Variants in SH3GL2 observed in about 807,000 individuals in gnomAD.
SH3GL2 encodes SH3 domain containing GRB2 like 2, endophilin A1.
Under a neutral mutation model 46.0 loss-of-function variants are expected in SH3GL2, and 24 were observed. The ratio of observed to expected loss-of-function variants is 0.52; its 90% CI spans 0.38 to 0.73. SH3GL2 has a LOEUF of 0.73. Among genes scored for constraint, SH3GL2 ranks in the 30% least tolerant of loss-of-function variants. The pLI is 0.00. For missense variants in SH3GL2, 413 were observed against 424.2 expected, an observed-to-expected ratio of 0.97 and a Z score of 0.23; for synonymous variants, 196 against 147.1, an observed-to-expected ratio of 1.33 and a Z score of -2.40.
chr9:17,692,267 G>T (rs1388555133), intron 1 of SH3GL2, among the ~76,000 whole-genome samples: 2 of 134,714 alleles, frequency 1.5e-5, no homozygotes, highest in South Asian at 2.5e-4. Context: ...GTATACAATG[G>T]TATTCTTATT....
chr9:17,716,668 T>C (rs953315194), intron 1 of SH3GL2, among the ~76,000 whole-genome samples: 1 of 152,158 alleles, frequency 6.6e-6, no homozygotes, highest in Non-Finnish European at 1.5e-5. Flanking sequence ...ATTTTATAGA[T>C]ATCTTGGGTT....
chr9:17,644,837 G>A (rs1433870674), intron 1 of SH3GL2, among the ~76,000 whole-genome samples: 1 of 152,048 alleles, frequency 6.6e-6, no homozygotes, highest in African/African-American at 2.4e-5. Context: ...TGTCTATTAG[G>A]TCTGCTTGGT....
intron 1 of SH3GL2, among the ~76,000 whole-genome samples, chr9:17,664,092 A>G (rs1245586438): frequency 6.6e-6 from 1 of 152,178 alleles, no homozygotes; most frequent in Non-Finnish European, 1.5e-5. Context: ...TTTTAGCTTC[A>G]CTGTATCCAC....
chr9:17,608,828 C>G (rs1207911680), intron 1 of SH3GL2, among the ~76,000 whole-genome samples: 1 of 152,200 alleles, frequency 6.6e-6, no homozygotes, highest in Admixed American at 6.5e-5. Flanking sequence ...CAAGTGGAAA[C>G]AATTTAATCA....
rs150039756 is a variant in SH3GL2 at position 17,786,442 on chromosome 9, G to T, written c.249G>T (p.Gly83=). ...CAAAAATCCGTGGCCAGGAGAAGGG[G>T]CCAGGCTATCCTCAGGCAGAGGCGC... The part of the protein sequence containing the change: ...TMSKIRGQEK[G]PGYPQAEALL... The change falls in exon 4 of 9, where the codon GGG becomes GGT. Residue 83 remains glycine, a synonymous_variant. Transcript: ENST00000380607. 4.5e-4 allele frequency: 724 copies of T among 1,613,448 alleles called. 5 individuals are homozygous for T. In the African/African-American group the frequency reaches 8.4e-3, roughly 19 times the overall value.
intron 1 of SH3GL2, among the ~76,000 whole-genome samples, chr9:17,585,998 A>G (rs1015840855): frequency 2.6e-5 from 4 of 152,238 alleles, no homozygotes; most frequent in Admixed American, 6.5e-5. Context: ...TCCGATGGAT[A>G]ATAAAGACTA....
intron 1 of SH3GL2, among the ~76,000 whole-genome samples, chr9:17,675,509 C>T (rs1057219347): frequency 6.6e-6 from 1 of 152,172 alleles, no homozygotes; most frequent in Non-Finnish European, 1.5e-5. Context: ...TTACAAAACT[C>T]TTTAAGTTGT....
intron 1 of SH3GL2, among the ~76,000 whole-genome samples, chr9:17,668,364 T>C (rs1051968925): frequency 1.3e-5 from 2 of 152,224 alleles, no homozygotes; most frequent in Non-Finnish European, 2.9e-5. Context: ...CACTAGTTTT[T>C]GAAACGACTG....
intron 1 of SH3GL2, among the ~76,000 whole-genome samples, chr9:17,633,055 C>T (rs1202081718): frequency 1.3e-5 from 2 of 152,214 alleles, no homozygotes; most frequent in Non-Finnish European, 1.5e-5. Context: ...GACTTTTCCT[C>T]TCCTGGGTCA....
intron 1 of SH3GL2, among the ~76,000 whole-genome samples, chr9:17,593,629 C>T (rs1818523081): frequency 6.6e-6 from 1 of 152,016 alleles, no homozygotes; most frequent in Admixed American, 6.6e-5. Context: ...AATGGTTGAC[C>T]TTTTTCTGAG....
chr9:17,681,455 A>T (rs1439348637), intron 1 of SH3GL2, among the ~76,000 whole-genome samples: 1 of 152,106 alleles, frequency 6.6e-6, no homozygotes, highest in Non-Finnish European at 1.5e-5. Flanking sequence ...GTCATATGTC[A>T]CCAGTGAGTC....
intron 1 of SH3GL2, among the ~76,000 whole-genome samples, chr9:17,659,985 G>T (rs1285847149): frequency 6.6e-6 from 1 of 152,198 alleles, no homozygotes; most frequent in Non-Finnish European, 1.5e-5. Context: ...AAGAGTAGTT[G>T]TAAGTATAGT....
intron 2 of SH3GL2, among the ~76,000 whole-genome samples, chr9:17,756,407 T>C (rs942906021): frequency 1.3e-5 from 2 of 152,008 alleles, no homozygotes; most frequent in Non-Finnish European, 2.9e-5. Flanking sequence ...ACATGTGCCA[T>C]GTTGGTGTGC....
chr9:17,737,254 T>A (rs1170596025), intron 1 of SH3GL2, among the ~76,000 whole-genome samples: 1 of 152,072 alleles, frequency 6.6e-6, no homozygotes, highest in South Asian at 2.1e-4. Context: ...CTAATGTAGA[T>A]GACAGGTTGA....
At chr9:17,700,012 G>T (rs920763240) in intron 1 of SH3GL2, among the ~76,000 whole-genome samples, 1 of 150,070 alleles carries the variant, frequency 6.7e-6, no homozygotes, top group African/African-American at 2.5e-5. Flanking sequence ...GAGTGCATTG[G>T]AGTGCACTTC....
intron 1 of SH3GL2, among the ~76,000 whole-genome samples, chr9:17,671,278 G>T (rs552173551): frequency 6.6e-6 from 1 of 150,702 alleles, no homozygotes; most frequent in African/African-American, 2.4e-5. Flanking sequence ...GCAGTGAAAT[G>T]GTTTCTGTTT....
intron 1 of SH3GL2, among the ~76,000 whole-genome samples, chr9:17,733,013 C>T (rs958914270): frequency 2.0e-5 from 3 of 152,084 alleles, no homozygotes; most frequent in African/African-American, 7.2e-5. Context: ...ACGTCCTTGG[C>T]AGTTCTTACT....
intron 1 of SH3GL2, among the ~76,000 whole-genome samples, chr9:17,591,860 A>C (rs1818488212): frequency 6.6e-6 from 1 of 152,206 alleles, no homozygotes; most frequent in Non-Finnish European, 1.5e-5. Context: ...CCACATGATT[A>C]TGGTAGAATA....
At chr9:17,785,468 A>T (rs1823929993) in intron 3 of SH3GL2, among the ~76,000 whole-genome samples, 1 of 152,176 alleles carries the variant, frequency 6.6e-6, no homozygotes, top group Non-Finnish European at 1.5e-5. Flanking sequence ...AATAAATGTC[A>T]AGATTGTCAG....
Sources: gnomAD v4.1 joint callset for allele counts (sites outside exome capture counted in the v4.1 genomes callset) on GRCh38, gnomAD v4.1.1 for gene constraint, MANE v1.5 for transcripts, NCBI Gene and HGNC (gene_info 2026-07-23, HGNC 2026-07-21) for gene names.